Variants in SMIM3 observed in about 807,000 individuals in gnomAD.
SMIM3 encodes small integral membrane protein 3.
SMIM3 carries 4 observed loss-of-function variants against 2.1 expected under a neutral mutation model. That is an observed-to-expected ratio of 1.89 (90% CI 0.93 to 4.31). SMIM3 has a LOEUF of 4.31. SMIM3 is among the 30% of genes most tolerant of loss of function. The pLI, the probability that SMIM3 is intolerant of heterozygous loss-of-function variation, is 0.01. For synonymous variants in SMIM3, 29 were observed against 30.8 expected (o/e 0.94, Z 0.19); for missense variants, 79 against 77.7 (o/e 1.02, Z -0.06).
At chr5:150,780,883 G>A (rs1753226205) in intron 1 of SMIM3, among the ~76,000 whole-genome samples, 1 of 152,212 alleles carries the variant, frequency 6.6e-6, no homozygotes, top group Non-Finnish European at 1.5e-5. Flanking sequence ...AGGTATAGGA[G>A]TAAGTGTTGG....
In SMIM3 at chr5:150,784,882, C is replaced by T. The variant is rs190149271; in HGVS notation, c.-12+5910C>T. On this transcript the variant is annotated intron_variant, in intron 1 of 1. Coordinates refer to ENST00000526627, the MANE Select transcript of SMIM3 (RefSeq NM_032947.5). ...CCTGTTTTCCGCTGGAAATTATGCA[C>T]TCTTTGACTGATATTTTTAGTGGCT... Among the ~76,000 whole-genome samples, 549 of 152,210 alleles carry T rather than the reference C, an allele frequency of 3.6e-3. 1 individual carries two copies. Among genetic ancestry groups the T allele is most frequent in the African/African-American group, 0.013 (522 of 41,530 alleles).
chr5:150,795,478 T>C lies in SMIM3; in HGVS notation c.38T>C (p.Leu13Pro). Residue 13 changes from leucine (L) to proline (P), a missense_variant, in exon 2 of 2, where the codon CTT becomes CCT. Transcript: ENST00000526627. ...AVSQVPMEVV[L>P]PKHILDIWVI... ...AGCCAAGTCCCCATGGAAGTCGTGC[T>C]TCCCAAGCACATCCTGGATATCTGG... 1 of 1,613,998 alleles carries C rather than the reference T, an allele frequency of 6.2e-7. No homozygotes were observed. Among genetic ancestry groups the C allele is most frequent in the Non-Finnish European group, 8.5e-7 (1 of 1,179,898 alleles).
intron 1 of SMIM3, among the ~76,000 whole-genome samples, chr5:150,790,136 C>T (rs1753335278): frequency 6.6e-6 from 1 of 152,014 alleles, no homozygotes; most frequent in South Asian, 2.1e-4. Context: ...GGGAGAAGAC[C>T]CCCTGGACCT....
At chr5:150,782,883 C>T (rs1412784042) in intron 1 of SMIM3, among the ~76,000 whole-genome samples, 1 of 152,162 alleles carries the variant, frequency 6.6e-6, no homozygotes, top group Non-Finnish European at 1.5e-5. Flanking sequence ...GTGCTGAGGA[C>T]ACAGCAATAC....
At position 150,795,759 on chromosome 5, in the gene SMIM3, T is replaced by C. The variant is rs977895670; in HGVS notation, c.*136T>C. ...GGTTTTGATTCTGCCACGAGCCAGCTGTGTGAATTTGGTCAAGGGACCTAA... is the reference window on the plus strand; with the variant it reads ...GGTTTTGATTCTGCCACGAGCCAGCCGTGTGAATTTGGTCAAGGGACCTAA... On this transcript the variant is annotated 3_prime_UTR_variant, in exon 2 of 2. Coordinates refer to ENST00000526627, the MANE Select transcript of SMIM3 (RefSeq NM_032947.5). 1.4e-5 allele frequency: 14 copies of C among 975,720 alleles called. No homozygotes were observed. Among genetic ancestry groups the C allele is most frequent in the African/African-American group, 1.1e-4 (7 of 61,140 alleles). The allele number at this position is 975,720 out of a possible 1,614,324, so 60.4% of individuals were successfully genotyped here.
At chr5:150,788,846 T>C (rs1753320290) in intron 1 of SMIM3, among the ~76,000 whole-genome samples, 2 of 152,168 alleles carry the variant, frequency 1.3e-5, no homozygotes, top group African/African-American at 4.8e-5. Flanking sequence ...GCTGGTGGTA[T>C]AGGGCCTGTG....
In SMIM3 at chr5:150,793,124, G is replaced by A. The variant is rs184225240; in HGVS notation, c.-11-2306G>A. The stretch of plus-strand genomic sequence containing the variant: ...GTCATCTATGATTTCTTTCAGCAGC[G>A]TTTTGTAGTTTTCCTTGTACAAAAC... On this transcript the variant is annotated intron_variant, in intron 1 of 1. Transcript: ENST00000526627. Among the ~76,000 whole-genome samples the A allele has an allele frequency of 2.1e-3, 312 of 151,346 alleles. 1 individual carries two copies. The highest frequency in any genetic ancestry group is 3.3e-3 in the Non-Finnish European group (226 of 67,870).
chr5:150,783,371 T>C (rs1319136570), intron 1 of SMIM3, among the ~76,000 whole-genome samples: 1 of 152,250 alleles, frequency 6.6e-6, no homozygotes, highest in Non-Finnish European at 1.5e-5. Context: ...TGGACAATGC[T>C]GGCAAACCCT....
intron 1 of SMIM3, among the ~76,000 whole-genome samples, chr5:150,795,101 T>C (rs1475662829): frequency 6.6e-6 from 1 of 152,232 alleles, no homozygotes; most frequent in Non-Finnish European, 1.5e-5. Context: ...AATGTCATCT[T>C]GCCTTTTAAG....
At chr5:150,788,699 T>C (rs1267653729) in intron 1 of SMIM3, among the ~76,000 whole-genome samples, 3 of 152,084 alleles carry the variant, frequency 2.0e-5, no homozygotes, top group African/African-American at 7.2e-5. Context: ...CTACATTGCT[T>C]TTCCCCCCAC....
At chr5:150,787,162 A>C (rs913605806) in intron 1 of SMIM3, among the ~76,000 whole-genome samples, 1 of 152,208 alleles carries the variant, frequency 6.6e-6, no homozygotes, top group Non-Finnish European at 1.5e-5. Context: ...GGGGAAAATG[A>C]CAGGCTCTCC....
intron 1 of SMIM3, among the ~76,000 whole-genome samples, chr5:150,785,977 GT>G (rs1172895192): frequency 6.6e-6 from 1 of 152,070 alleles, no homozygotes; most frequent in Non-Finnish European, 1.5e-5. Flanking sequence ...TCTTTCATCA[GT>G]TTTGGAAACT....
chr5:150,788,794 C>T (rs1378555553), intron 1 of SMIM3, among the ~76,000 whole-genome samples: 1 of 151,898 alleles, frequency 6.6e-6, no homozygotes, highest in African/African-American at 2.4e-5. Context: ...TTACTTAACC[C>T]CTATGGACTG....
At chr5:150,780,012 C>T (rs904973383) in intron 1 of SMIM3, among the ~76,000 whole-genome samples, 1 of 152,114 alleles carries the variant, frequency 6.6e-6, no homozygotes, top group Admixed American at 6.5e-5. Context: ...CCTCAAAGCT[C>T]CAGGGTGTGG....
At chr5:150,782,783 T>C (rs1753249064) in intron 1 of SMIM3, among the ~76,000 whole-genome samples, 1 of 152,212 alleles carries the variant, frequency 6.6e-6, no homozygotes, top group African/African-American at 2.4e-5. Flanking sequence ...GTTCCACGAG[T>C]GAGCTCACAT....
At chr5:150,784,196 C>T (rs10463305) in intron 1 of SMIM3, among the ~76,000 whole-genome samples, 21,950 of 152,076 alleles carry the variant, frequency 0.14, 2,856 homozygotes, top group African/African-American at 0.34. Flanking sequence ...AGCTTAACTT[C>T]GTGAAGCCCT....
chr5:150,787,551 T>C (rs1016462235), intron 1 of SMIM3, among the ~76,000 whole-genome samples: 1 of 152,092 alleles, frequency 6.6e-6, no homozygotes, highest in Admixed American at 6.5e-5. Context: ...GTAGCTGTAG[T>C]GTAGTGGTAA....
intron 1 of SMIM3, among the ~76,000 whole-genome samples, chr5:150,787,409 C>T (rs1007466475): frequency 3.9e-5 from 6 of 152,158 alleles, no homozygotes; most frequent in Non-Finnish European, 5.9e-5. Flanking sequence ...TTATAGATTG[C>T]GTATCTCTTC....
Position 150,781,882 on chromosome 5 carries a change from G to A in SMIM3, c.-12+2910G>A, listed in dbSNP as rs563102421. On this transcript the variant is annotated intron_variant, in intron 1 of 1. Coordinates refer to ENST00000526627, the MANE Select transcript of SMIM3 (RefSeq NM_032947.5). The stretch of plus-strand genomic sequence containing the variant: ...GTAGTGCCTTAAACAGGATGCTGGG[G>A]ATTTGGCCTGGGCTTTCTCCTCTGC... Among the ~76,000 whole-genome samples the A allele has an allele frequency of 4.6e-5, 7 of 152,332 alleles. No homozygotes were observed. The South Asian group carries it at 1.4e-3, about 32-fold the overall frequency.
Sources: gnomAD v4.1 joint callset for allele counts (sites outside exome capture counted in the v4.1 genomes callset) on GRCh38, gnomAD v4.1.1 for gene constraint, MANE v1.5 for transcripts, NCBI Gene and HGNC (gene_info 2026-07-23, HGNC 2026-07-21) for gene names.